Variants in LIMCH1 observed in about 807,000 individuals in gnomAD.
LIMCH1 encodes the protein LIM and calponin homology domains 1, also known as LIM and calponin homology domains-containing protein 1.
LIMCH1 carries 113 observed loss-of-function variants against 176.5 expected under a neutral mutation model. The observed-to-expected ratio is 0.64, with a 90% CI of 0.55 to 0.75. LIMCH1 has a LOEUF of 0.75. LIMCH1 is among the 30% of genes least tolerant of loss of function. The pLI is 0.00. For missense variants in LIMCH1, 1,674 were observed against 1,814.9 expected (o/e 0.92, Z 1.41); for synonymous variants, 619 against 645.9 (o/e 0.96, Z 0.63).
intron 1 of LIMCH1, among the ~76,000 whole-genome samples, chr4:41,424,621 T>C (rs778868383): frequency 3.3e-5 from 5 of 152,204 alleles, no homozygotes; most frequent in Admixed American, 6.5e-5. Flanking sequence ...AATGTTCACA[T>C]TGAATAAATA....
At chr4:41,456,797 G>A (rs530029612) in intron 1 of LIMCH1, among the ~76,000 whole-genome samples, 12 of 152,112 alleles carry the variant, frequency 7.9e-5, no homozygotes, top group Non-Finnish European at 1.6e-4. Context: ...GTTTGGGGCT[G>A]GAATCATCTG....
chr4:41,562,732 G>A (rs989664739), intron 1 of LIMCH1, among the ~76,000 whole-genome samples: 15 of 152,090 alleles, frequency 9.9e-5, no homozygotes, highest in African/African-American at 3.6e-4. Flanking sequence ...ATTGATCCCT[G>A]TATCTCCCTT....
rs2092422422 is a variant in LIMCH1, at chr4:41,619,781, G to A, written c.458+341G>A. 1.7e-5 allele frequency: 5 copies of A among 302,072 alleles called. No homozygotes were observed. In the South Asian group the frequency reaches 2.8e-4, roughly 17 times the overall value. The allele number at this position is 302,072 out of a possible 1,614,324, so 18.7% of individuals were successfully genotyped here. On this transcript the variant is annotated intron_variant, in intron 6 of 31. Transcript: ENST00000503057. Reference sequence around the variant, plus strand: ...TTGACTCCCAATCCTGTCAGATTAGGCGTAGAAAGATTCCTATCTTTATGC... The same window carrying A: ...TTGACTCCCAATCCTGTCAGATTAGACGTAGAAAGATTCCTATCTTTATGC...
intron 1 of LIMCH1, among the ~76,000 whole-genome samples, chr4:41,549,704 A>G (rs2080111727): frequency 6.6e-6 from 1 of 152,158 alleles, no homozygotes; most frequent in Non-Finnish European, 1.5e-5. Flanking sequence ...TACTTCTGTC[A>G]CATGTATCTT....
At chr4:41,549,059 A>T (rs1030439476) in intron 1 of LIMCH1, among the ~76,000 whole-genome samples, 3 of 147,022 alleles carry the variant, frequency 2.0e-5, no homozygotes, top group Non-Finnish European at 4.5e-5. Context: ...CCTACTGTTA[A>T]TTTTTTTTTT....
At chr4:41,517,589 T>C (rs541966558) in intron 2 of LIMCH1, among the ~76,000 whole-genome samples, 1 of 152,178 alleles carries the variant, frequency 6.6e-6, no homozygotes, top group African/African-American at 2.4e-5. Flanking sequence ...TGGTAGATAT[T>C]GATGGCAGCT....
rs1177317289 is a variant in LIMCH1, at chr4:41,644,773, A to T, written c.2253+147A>T. On this transcript the variant is annotated intron_variant, in intron 15 of 31. Transcript: ENST00000503057. ...AGGTGACACGGTAAATGTGGGACTC[A>T]AAGGAAGGTGAGTAGCAGCGTGAAG... 4 of 982,488 alleles carry T rather than the reference A, an allele frequency of 4.1e-6. No homozygotes were observed. In the East Asian group the frequency reaches 1.2e-4, roughly 29 times the overall value. 60.9% of individuals were successfully genotyped at this position (982,488 alleles called of 1,614,324 possible).
rs541538740 is a variant in LIMCH1, at chr4:41,600,102, G to A, written c.-134+1076G>A. ...GTTGGATTTTGTGATTCATGACTGG[G>A]AATATGGGAGAGTTAGTAGTGATCT... is the stretch of plus-strand genomic sequence containing the variant. On this transcript the variant is annotated intron_variant, in intron 2 of 31. Coordinates refer to ENST00000503057, the MANE Select transcript of LIMCH1 (RefSeq NM_001330672.2). Among the ~76,000 whole-genome samples, 303 of 152,206 alleles carry A rather than the reference G, an allele frequency of 2.0e-3. 1 individual carries two copies. Among genetic ancestry groups the A allele is most frequent in the African/African-American group, 7.1e-3 (295 of 41,532 alleles).
intron 1 of LIMCH1, among the ~76,000 whole-genome samples, chr4:41,401,345 T>C (rs1345048840): frequency 6.6e-6 from 1 of 152,166 alleles, no homozygotes; most frequent in African/African-American, 2.4e-5. Context: ...TAGTTGTAGA[T>C]ATGCGGCGTT....
Position 41,633,041 on chromosome 4 carries a change from G to C in LIMCH1, c.1785G>C (p.Glu595Asp). ...CAGAAAGCGCTCCAAGAGATTCTGA[G>C]AGGCTGTCAAAGGCAGAAAGATCAG... The part of the protein sequence containing the change: ...EETESAPRDS[E>D]RLSKAERSED... The change falls in exon 12 of 32, where the codon GAG (glutamate) becomes GAC (aspartate). Residue 595 changes from glutamate (E) to aspartate (D), a missense_variant. Around this residue, in one of 3 missense-constraint regions of LIMCH1, gnomAD observed 1,015 missense variants for 1,102.5 expected, o/e 0.92. Coordinates refer to ENST00000503057, the MANE Select transcript of LIMCH1 (RefSeq NM_001330672.2). 1.3e-6 allele frequency: 2 copies of C among 1,536,054 alleles called. No homozygotes were observed. Among genetic ancestry groups the C allele is most frequent in the Non-Finnish European group, 1.7e-6 (2 of 1,146,920 alleles).
At chr4:41,619,504 C>G in intron 6 of LIMCH1, 64 bp downstream of exon 6, 1 of 1,587,628 alleles carries the variant, frequency 6.3e-7, no homozygotes, top group Non-Finnish European at 8.5e-7. Context: ...AACTGCAGCT[C>G]CTGGACAGGA....
At chr4:41,379,110 C>G (rs2055238751) in intron 1 of LIMCH1, among the ~76,000 whole-genome samples, 1 of 152,172 alleles carries the variant, frequency 6.6e-6, no homozygotes, top group Non-Finnish European at 1.5e-5. Context: ...TTTATAGTTT[C>G]TATGAGTCAG....
At chr4:41,401,246 A>C (rs1179966509) in intron 1 of LIMCH1, among the ~76,000 whole-genome samples, 2 of 152,244 alleles carry the variant, frequency 1.3e-5, no homozygotes, top group African/African-American at 4.8e-5. Flanking sequence ...AGCCTTCTAC[A>C]TATGGCTAGC....
rs1732270170 is a variant in LIMCH1 at position 41,699,499 on chromosome 4, G to C, written c.*2314G>C. The C allele has an allele frequency of 6.6e-6, 1 of 151,912 alleles. No individual in the cohort carries two copies. The highest frequency in any genetic ancestry group is 2.1e-4 in the South Asian group (1 of 4,816). The allele number at this position is 151,912 out of a possible 1,614,324, so 9.4% of individuals were successfully genotyped here. On this transcript the variant is annotated 3_prime_UTR_variant, in exon 32 of 32. Coordinates refer to ENST00000503057, the MANE Select transcript of LIMCH1 (RefSeq NM_001330672.2). Reference sequence around the variant, plus strand: ...GTTACATGGCAGCTTAGGCAGACTAGATCTTGTTTTTTCCAATGCAGCATA... The same window carrying C: ...GTTACATGGCAGCTTAGGCAGACTACATCTTGTTTTTTCCAATGCAGCATA...
At chr4:41,472,980 CTT>C (rs111368469) in intron 1 of LIMCH1, 1,982 of 753,178 alleles carry the variant, frequency 2.6e-3, no homozygotes, top group Non-Finnish European at 3.0e-3. Flanking sequence ...TGCTGTAAGC[CTT>C]TTTTTTTTTT....
At chr4:41,591,943 A>G (rs2087670714) in intron 1 of LIMCH1, among the ~76,000 whole-genome samples, 1 of 152,204 alleles carries the variant, frequency 6.6e-6, no homozygotes, top group African/African-American at 2.4e-5. Context: ...TGTGCAGGAG[A>G]TAAAGGAAAG....
At chr4:41,566,859 T>C (rs1190621325) in intron 1 of LIMCH1, among the ~76,000 whole-genome samples, 1 of 152,180 alleles carries the variant, frequency 6.6e-6, no homozygotes, top group African/African-American at 2.4e-5. Flanking sequence ...TGGGCTGAAA[T>C]GCATCAGAAA....
chr4:41,408,226 A>G (rs7659963), intron 1 of LIMCH1, among the ~76,000 whole-genome samples: 128,839 of 151,680 alleles, frequency 0.85, 55,704 homozygotes, highest in East Asian at 0.99. Context: ...GATTTTGGGG[A>G]ATGGTGAGAT....
At chr4:41,453,541 T>C (rs912348763) in intron 1 of LIMCH1, 1 of 152,424 alleles carries the variant, frequency 6.6e-6, no homozygotes, top group African/African-American at 2.4e-5. Flanking sequence ...ATAAAGTCTT[T>C]ATCCTCATTG....
Sources: allele counts gnomAD v4.1 joint callset (sites outside exome capture counted in the v4.1 genomes callset), GRCh38; gene constraint gnomAD v4.1.1; regional missense constraint gnomAD v4.1.1; transcripts MANE v1.5; gene names NCBI Gene and HGNC (gene_info 2026-07-23, HGNC 2026-07-21).